KITLG: variants seen among roughly 807,000 people sequenced by gnomAD.
The protein encoded by KITLG is c-Kit ligand.
In KITLG, 13 loss-of-function variants were observed where a neutral mutation model predicts 34.1. The ratio of observed to expected loss-of-function variants is 0.38; its 90% CI spans 0.25 to 0.61. The LOEUF is 0.61. KITLG is among the 20% of genes least tolerant of loss of function. The pLI, the probability that KITLG is intolerant of heterozygous loss-of-function variation, is 0.60. For missense variants in KITLG, 292 were observed against 318.9 expected (o/e 0.92, Z 0.64); for synonymous variants, 110 against 104.0 (o/e 1.06, Z -0.35).
At position 88,518,887 on chromosome 12, in the gene KITLG, A is replaced by G; in HGVS notation, c.193-20T>C. ...ACTTGGCTGCAAGATATGAAAAAAG[A>G]GACAAAACAGCTATTTTAATAAGTA... On this transcript the variant is annotated intron_variant, in intron 3 of 9. Coordinates refer to ENST00000644744, the MANE Select transcript of KITLG (RefSeq NM_000899.5). 1.2e-6 allele frequency: 2 copies of G among 1,609,256 alleles called. No individual in the cohort carries two copies. The highest frequency in any genetic ancestry group is 1.7e-6 in the Non-Finnish European group (2 of 1,176,848).
intron 9 of KITLG, among the ~76,000 whole-genome samples, chr12:88,497,652 CAG>C (rs1410149893): frequency 2.0e-5 from 3 of 152,178 alleles, no homozygotes; most frequent in South Asian, 4.1e-4. Flanking sequence ...AGGTAGTAAA[CAG>C]GGGTGAAGGG....
chr12:88,561,291 T>C (rs1366531209), intron 1 of KITLG, among the ~76,000 whole-genome samples: 1 of 152,204 alleles, frequency 6.6e-6, no homozygotes, highest in Non-Finnish European at 1.5e-5. Flanking sequence ...TTGCTATGGC[T>C]ATTGTCATTG....
At chr12:88,569,574 GATTATTTC>G (rs1207065152) in intron 1 of KITLG, among the ~76,000 whole-genome samples, 1 of 151,972 alleles carries the variant, frequency 6.6e-6, no homozygotes, top group Non-Finnish European at 1.5e-5. Context: ...CTTTTTTGTG[GATTATTTC>G]ATTTTATCCT....
intron 3 of KITLG, among the ~76,000 whole-genome samples, chr12:88,530,141 C>A (rs1870030808): frequency 6.6e-6 from 1 of 152,126 alleles, no homozygotes; most frequent in Non-Finnish European, 1.5e-5. Context: ...GGGTGCTTGG[C>A]AATCACAATC....
intron 3 of KITLG, among the ~76,000 whole-genome samples, chr12:88,526,388 C>G (rs371055605): frequency 6.6e-6 from 1 of 152,172 alleles, no homozygotes. Context: ...CTCACCTCAT[C>G]ATTATAACCT....
rs73439018 is a variant in KITLG, at chr12:88,532,663, C to A, written c.130-160G>T. ...ATATTGATTTTTAATCCTTGATTTC[C>A]CTCTGTAATCAAAAGGCATCCTTCA... On this transcript the variant is annotated intron_variant, in intron 2 of 9. Transcript: ENST00000644744. 9.6e-3 allele frequency among the ~76,000 whole-genome samples: 1,461 copies of A among 151,918 alleles called. 22 individuals are homozygous for A. The highest frequency in any genetic ancestry group is 0.034 in the African/African-American group (1,410 of 41,416).
At chr12:88,553,030 A>G (rs972193341) in intron 1 of KITLG, among the ~76,000 whole-genome samples, 17 of 152,238 alleles carry the variant, frequency 1.1e-4, no homozygotes, top group Non-Finnish European at 2.2e-4. Context: ...ACCAGAAGAC[A>G]AGTACTTCAA....
chr12:88,554,334 T>C (rs1286139441), intron 1 of KITLG, among the ~76,000 whole-genome samples: 3 of 152,322 alleles, frequency 2.0e-5, no homozygotes, highest in Non-Finnish European at 4.4e-5. Flanking sequence ...AAATATGCAT[T>C]GTCAGGGTCC....
chr12:88,573,822 G>C, intron 1 of KITLG, among the ~76,000 whole-genome samples: 1 of 152,140 alleles, frequency 6.6e-6, no homozygotes. Flanking sequence ...GTTTGCGGTG[G>C]TCCTTTCATG....
intron 2 of KITLG, among the ~76,000 whole-genome samples, chr12:88,539,604 T>A (rs1870449165): frequency 6.6e-6 from 1 of 152,128 alleles, no homozygotes; most frequent in African/African-American, 2.4e-5. Flanking sequence ...TGGACTTTTT[T>A]AAAATGGTAA....
intron 1 of KITLG, among the ~76,000 whole-genome samples, chr12:88,556,366 C>T (rs1388896273): frequency 1.3e-5 from 2 of 152,046 alleles, no homozygotes; most frequent in Non-Finnish European, 2.9e-5. Flanking sequence ...AAAGGTTTAT[C>T]AGGCATCAGA....
intron 1 of KITLG, among the ~76,000 whole-genome samples, chr12:88,549,012 G>C (rs886752991): frequency 4.6e-5 from 7 of 152,192 alleles, no homozygotes; most frequent in African/African-American, 1.7e-4. Flanking sequence ...TTTCACCAAA[G>C]ATTGGACAAA....
chr12:88,529,844 C>G (rs973530223), intron 3 of KITLG, among the ~76,000 whole-genome samples: 1 of 152,188 alleles, frequency 6.6e-6, no homozygotes, highest in Non-Finnish European at 1.5e-5. Context: ...ATGCTCTAAA[C>G]GTGGCCTTGT....
chr12:88,534,534 T>A (rs1042310263), intron 2 of KITLG, among the ~76,000 whole-genome samples: 9 of 151,956 alleles, frequency 5.9e-5, no homozygotes, highest in Non-Finnish European at 1.0e-4. Context: ...ACCTGGCTAA[T>A]TTTTGTATTT....
rs545880371 is a variant in KITLG, at chr12:88,527,025, C to T, written c.192+5416G>A. On this transcript the variant is annotated intron_variant, in intron 3 of 9. Transcript: ENST00000644744. ...CTGGGACTACAGGCGCCCGCCACCA[C>T]GCCCAGCTAATTTTCTGTATTTTTA... Among the ~76,000 whole-genome samples, 11 of 152,112 alleles carry T rather than the reference C, an allele frequency of 7.2e-5. 1 individual carries two copies. In the South Asian group the frequency reaches 1.2e-3, roughly 17 times the overall value.
intron 2 of KITLG, among the ~76,000 whole-genome samples, chr12:88,542,364 A>C (rs1295617357): frequency 6.6e-6 from 1 of 152,144 alleles, no homozygotes; most frequent in Non-Finnish European, 1.5e-5. Flanking sequence ...GATCATGTCC[A>C]TGTTCCTCAT....
chr12:88,528,835 C>T (rs1346137798), intron 3 of KITLG, among the ~76,000 whole-genome samples: 3 of 152,086 alleles, frequency 2.0e-5, no homozygotes, highest in South Asian at 4.1e-4. Flanking sequence ...ATTCTTGCAA[C>T]GTTTTTGTAA....
intron 1 of KITLG, among the ~76,000 whole-genome samples, chr12:88,568,247 A>C (rs1871513088): frequency 6.6e-6 from 1 of 152,058 alleles, no homozygotes; most frequent in African/African-American, 2.4e-5. Context: ...ATTGAGCATC[A>C]CTTCTGGGTC....
intron 1 of KITLG, among the ~76,000 whole-genome samples, chr12:88,573,599 G>A (rs73439060): frequency 1.3e-5 from 2 of 152,144 alleles, no homozygotes; most frequent in Non-Finnish European, 2.9e-5. Flanking sequence ...GTGAAAAAGA[G>A]GGAAAAGTTC....
Sources: allele counts gnomAD v4.1 joint callset (sites outside exome capture counted in the v4.1 genomes callset), GRCh38; gene constraint gnomAD v4.1.1; transcripts MANE v1.5; gene names NCBI Gene and HGNC (gene_info 2026-07-23, HGNC 2026-07-21).